Variants in CCDC102B observed in about 807,000 individuals in gnomAD.
The protein encoded by CCDC102B is coiled-coil domain-containing protein 102B.
Under a neutral mutation model 57.4 loss-of-function variants are expected in CCDC102B, and 75 were observed. That is an observed-to-expected ratio of 1.31 (90% CI 1.08 to 1.58). The LOEUF (loss-of-function observed/expected upper bound fraction) is 1.58, where lower values mean the gene tolerates loss of function less well. CCDC102B is among the 40% of genes most tolerant of loss of function. The pLI is 0.00. For missense variants in CCDC102B, 636 were observed against 582.6 expected (o/e 1.09, Z -0.94); for synonymous variants, 206 against 201.9 (o/e 1.02, Z -0.17).
At chr18:68,905,058 A>G (rs534901635) in intron 6 of CCDC102B, among the ~76,000 whole-genome samples, 141 of 151,584 alleles carry the variant, frequency 9.3e-4, no homozygotes, top group Non-Finnish European at 1.4e-3. Context: ...CAACTCTTAT[A>G]CTTTTATTCT....
intron 2 of CCDC102B, among the ~76,000 whole-genome samples, chr18:68,779,277 G>A (rs1360744268): frequency 6.6e-6 from 1 of 152,146 alleles, no homozygotes; most frequent in Non-Finnish European, 1.5e-5. Context: ...CACCAGGAGA[G>A]AACTATAGGA....
intron 6 of CCDC102B, among the ~76,000 whole-genome samples, chr18:68,901,953 G>A (rs1223422096): frequency 6.6e-6 from 1 of 152,156 alleles, no homozygotes; most frequent in Non-Finnish European, 1.5e-5. Flanking sequence ...TCTGAACCCT[G>A]ATCTGCTTCT....
At position 68,836,895 on chromosome 18, in the gene CCDC102B, C is replaced by T; in HGVS notation, c.132C>T (p.Phe44=). 1.9e-6 allele frequency: 3 copies of T among 1,614,148 alleles called. No individual in the cohort carries two copies. The highest frequency in any genetic ancestry group is 2.5e-6 in the Non-Finnish European group (3 of 1,180,030). The change falls in exon 2 of 8, where the codon TTC becomes TTT. Residue 44 remains phenylalanine (F), a synonymous_variant. Transcript: ENST00000360242. The part of the protein sequence containing the change: ...SPPRDTCNTC[F]PLHGLQSHAA... ...CCAGGGATACCTGTAATACCTGCTT[C>T]CCACTTCATGGGCTACAATCTCATG...
At chr18:68,746,742 T>TAAA (rs201345853) in intron 2 of CCDC102B, among the ~76,000 whole-genome samples, 2 of 151,036 alleles carry the variant, frequency 1.3e-5, no homozygotes, top group Non-Finnish European at 3.0e-5. Flanking sequence ...CTTTTTTTTT[T>TAAA]AAAAAATGAT....
intron 2 of CCDC102B, among the ~76,000 whole-genome samples, chr18:68,760,569 T>C (rs769638778): frequency 3.9e-5 from 6 of 152,094 alleles, no homozygotes; most frequent in Non-Finnish European, 8.8e-5. Context: ...AACAGGAGTC[T>C]TCAAGGACTA....
At chr18:68,725,377 A>G (rs2032548041) in intron 2 of CCDC102B, among the ~76,000 whole-genome samples, 1 of 152,218 alleles carries the variant, frequency 6.6e-6, no homozygotes, top group Non-Finnish European at 1.5e-5. Context: ...ACATTCAGCT[A>G]GTCTTTCTAC....
chr18:68,990,512 T>C (rs1183296916), intron 6 of CCDC102B, among the ~76,000 whole-genome samples: 1 of 152,222 alleles, frequency 6.6e-6, no homozygotes, highest in African/African-American at 2.4e-5. Context: ...TTTTTGTTTA[T>C]CTTGGGTATC....
At chr18:68,910,178 A>G (rs2040790127) in intron 6 of CCDC102B, among the ~76,000 whole-genome samples, 1 of 152,148 alleles carries the variant, frequency 6.6e-6, no homozygotes, top group East Asian at 1.9e-4. Flanking sequence ...CTGAAATCCT[A>G]GCTACTTCAG....
In CCDC102B at chr18:68,779,381, T is replaced by G. The variant is rs192929086; in HGVS notation, c.-66-43985T>G. ...TAAGGCCACATAGTCTAAGGATTGC[T>G]TAAGTCAAAGATTGCGTAAGCATAG... On this transcript the variant is annotated intron_variant, in intron 2 of 3. Transcript: ENST00000578970. 1.0e-3 allele frequency among the ~76,000 whole-genome samples: 152 copies of G among 152,296 alleles called. 2 individuals carry two copies. The highest frequency in any genetic ancestry group is 3.6e-3 in the African/African-American group (151 of 41,588).
At chr18:68,727,800 C>A (rs1177481987) in intron 2 of CCDC102B, among the ~76,000 whole-genome samples, 1 of 152,166 alleles carries the variant, frequency 6.6e-6, no homozygotes, top group Non-Finnish European at 1.5e-5. Context: ...GCCTACTGGG[C>A]AGAATTACAG....
At chr18:68,866,815 T>C in intron 4 of CCDC102B, 1 of 695,452 alleles carries the variant, frequency 1.4e-6, no homozygotes, top group Non-Finnish European at 2.7e-6. Context: ...TGAGTCTTAT[T>C]TGAAACTTGT....
At chr18:68,791,728 AT>A (rs2035469894) in intron 2 of CCDC102B, among the ~76,000 whole-genome samples, 1 of 151,850 alleles carries the variant, frequency 6.6e-6, no homozygotes, top group Non-Finnish European at 1.5e-5. Flanking sequence ...CTATATATAT[AT>A]TTTCTCTCAT....
At position 68,921,646 on chromosome 18, in the gene CCDC102B, C is replaced by T. The variant is rs556710698; in HGVS notation, c.1263+24218C>T. Among the ~76,000 whole-genome samples the T allele has an allele frequency of 7.8e-4, 118 of 152,218 alleles. 1 individual carries two copies. The highest frequency in any genetic ancestry group is 2.6e-3 in the African/African-American group (107 of 41,540). ...ATTGCTGGCTTTGAAGATAGAGAAG[C>T]GAGCACAAGCCAAGGATTTCAGGCA... On this transcript the variant is annotated intron_variant, in intron 6 of 7. Transcript: ENST00000360242.
intron 2 of CCDC102B, among the ~76,000 whole-genome samples, chr18:68,783,656 T>G (rs1419194408): frequency 6.6e-6 from 1 of 152,194 alleles, no homozygotes; most frequent in Admixed American, 6.5e-5. Context: ...TTTCCCATGT[T>G]TAGATGTCCC....
intron 6 of CCDC102B, among the ~76,000 whole-genome samples, chr18:68,981,163 A>G (rs2050570137): frequency 6.6e-6 from 1 of 152,050 alleles, no homozygotes; most frequent in South Asian, 2.1e-4. Flanking sequence ...GTGAATTAAA[A>G]CTTACAGATA....
chr18:68,972,186 G>A (rs1323609170), intron 6 of CCDC102B, among the ~76,000 whole-genome samples: 2 of 152,156 alleles, frequency 1.3e-5, no homozygotes, highest in African/African-American at 4.8e-5. Context: ...TGGGATCTGG[G>A]CTACTCTTCG....
chr18:68,911,994 C>A, intron 6 of CCDC102B, among the ~76,000 whole-genome samples: 1 of 152,090 alleles, frequency 6.6e-6, no homozygotes, highest in African/African-American at 2.4e-5. Context: ...AAAGCTGTTA[C>A]TGAACTCAAG....
At chr18:68,973,220 G>T (rs2050346563) in intron 6 of CCDC102B, among the ~76,000 whole-genome samples, 1 of 152,006 alleles carries the variant, frequency 6.6e-6, no homozygotes, top group South Asian at 2.1e-4. Flanking sequence ...AGCTCTTCTA[G>T]TGTTTTTCAT....
chr18:68,738,343 G>A (rs1455948524), intron 2 of CCDC102B, among the ~76,000 whole-genome samples: 1 of 152,150 alleles, frequency 6.6e-6, no homozygotes, highest in African/African-American at 2.4e-5. Flanking sequence ...TGTCTCTTTG[G>A]ATAAGAGTGC....
Sources: gnomAD v4.1 joint callset for allele counts (sites outside exome capture counted in the v4.1 genomes callset) on GRCh38, gnomAD v4.1.1 for gene constraint, MANE v1.5 for transcripts, NCBI Gene and HGNC (gene_info 2026-07-23, HGNC 2026-07-21) for gene names.